ODF2L: variants seen among roughly 807,000 people sequenced by gnomAD.
The protein encoded by ODF2L is protein BCAP.
ODF2L carries 76 observed loss-of-function variants against 86.3 expected under a neutral mutation model. The observed-to-expected ratio is 0.88, with a 90% CI of 0.73 to 1.07. The LOEUF is 1.07. Among genes scored for constraint, ODF2L ranks in the 50% least tolerant of loss-of-function variants. The pLI is 0.00. For missense variants in ODF2L, 748 were observed against 717.4 expected (o/e 1.04, Z -0.49); for synonymous variants, 241 against 231.3 (o/e 1.04, Z -0.38).
chr1:86,348,680 A>AT (rs1657924319), downstream of ODF2L: 1 of 1,244,350 alleles, frequency 8.0e-7, no homozygotes, highest in Non-Finnish European at 1.0e-6. Flanking sequence ...TAGTATATTT[A>AT]TTTTTTTACC....
At chr1:86,373,737 T>C (rs1205427380) in intron 8 of ODF2L, among the ~76,000 whole-genome samples, 1 of 151,760 alleles carries the variant, frequency 6.6e-6, no homozygotes, top group African/African-American at 2.4e-5. Flanking sequence ...TTTGGTGATG[T>C]ACCTTACTTG....
In ODF2L at chr1:86,360,450, G is replaced by C. The variant is rs539556239; in HGVS notation, c.1230C>G (p.Thr410=). ...CCTGAGTTTTATACATTTCAATAAG[G>C]GTTTTCTGTTTTTTTTCTACTTCTT... The change falls in exon 12 of 18, where the codon ACC becomes ACG. Residue 410 remains threonine (T), a synonymous_variant. Coordinates refer to ENST00000317336, the Ensembl canonical transcript of ODF2L. 17 of 1,554,264 alleles carry C rather than the reference G, an allele frequency of 1.1e-5. No individual in the cohort carries two copies. The South Asian group carries it at 1.5e-4, about 13-fold the overall frequency.
At chr1:86,352,208 C>T (rs1339166423) in exon 18 of ODF2L, 1 of 1,507,424 alleles carries the variant, frequency 6.6e-7, no homozygotes. Flanking sequence ...GTCTCTGGAT[C>T]CTGGAAAAAA....
At position 86,378,464 on chromosome 1, in the gene ODF2L, C is replaced by T. The variant is rs189710953; in HGVS notation, c.625-2046G>A. Reference sequence around the variant, plus strand: ...ATTTTTGGGTATCTTTATAGCAATACCCCACTCTCTGCAGTACCAATTAAC... The same window carrying T: ...ATTTTTGGGTATCTTTATAGCAATATCCCACTCTCTGCAGTACCAATTAAC... On this transcript the variant is annotated intron_variant, in intron 7 of 17. Coordinates refer to ENST00000317336, the Ensembl canonical transcript of ODF2L. 9.4e-4 allele frequency among the ~76,000 whole-genome samples: 143 copies of T among 152,282 alleles called. 1 individual carries two copies. The highest frequency in any genetic ancestry group is 3.2e-3 in the African/African-American group (135 of 41,560).
chr1:86,351,648 A>C (rs1237676547), exon 18 of ODF2L: 1 of 152,926 alleles, frequency 6.5e-6, no homozygotes, highest in Non-Finnish European at 1.5e-5. Context: ...TGGTAGCTTG[A>C]TGGGGATAGC....
chr1:86,376,200 T>C (rs763737308), intron 8 of ODF2L, 33 bp downstream of exon 8: 15 of 1,231,304 alleles, frequency 1.2e-5, no homozygotes, highest in Admixed American at 1.9e-5. Flanking sequence ...ACATAATAGA[T>C]CTTTTAATTT....
exon 10 of ODF2L, chr1:86,371,043 A>G: frequency 6.4e-7 from 1 of 1,574,502 alleles, no homozygotes; most frequent in Non-Finnish European, 8.6e-7. Context: ...CTCAAGATTC[A>G]GAGTTTCATT....
At chr1:86,391,457 G>C (rs1661320973) in intron 1 of ODF2L, among the ~76,000 whole-genome samples, 1 of 152,278 alleles carries the variant, frequency 6.6e-6, no homozygotes, top group East Asian at 1.9e-4. Context: ...AAAACAGCAT[G>C]GTACTGGTAT....
At position 86,385,533 on chromosome 1, in the gene ODF2L, C is replaced by T. The variant is rs372827234; in HGVS notation, c.171G>A (p.Ala57=). 1.8e-5 allele frequency: 29 copies of T among 1,608,144 alleles called. 1 individual carries two copies. The highest frequency in any genetic ancestry group is 1.4e-4 in the South Asian group (13 of 90,926). The change falls in exon 3 of 18, where the codon GCG becomes GCA. Residue 57 remains alanine (A), a synonymous_variant. Transcript: ENST00000317336. ...ATTCTACAGAATGAGTTACCAACTCCGCTTCCTTAAGTGTTGCTTCCAATT... is the reference window on the plus strand; with the variant it reads ...ATTCTACAGAATGAGTTACCAACTCTGCTTCCTTAAGTGTTGCTTCCAATT...
chr1:86,372,331 A>G, intron 9 of ODF2L, 100 bp downstream of exon 9: 1 of 514,914 alleles, frequency 1.9e-6, no homozygotes. Flanking sequence ...CACCTTTACC[A>G]TATGTAATCT....
At chr1:86,369,118 G>A (rs961853328) in intron 10 of ODF2L, among the ~76,000 whole-genome samples, 2 of 152,024 alleles carry the variant, frequency 1.3e-5, no homozygotes. Context: ...TGAATAAATT[G>A]TCAGAAGTTG....
At chr1:86,355,189 A>G in intron 14 of ODF2L, 1 of 595,904 alleles carries the variant, frequency 1.7e-6, no homozygotes, top group Non-Finnish European at 3.0e-6. Context: ...AGCAGTATTA[A>G]TCTCCTATTT....
chr1:86,351,730 G>A (rs769895924), exon 18 of ODF2L: 7 of 191,650 alleles, frequency 3.7e-5, no homozygotes, highest in Non-Finnish European at 6.7e-5. Flanking sequence ...CATAAGCATG[G>A]AATGTTTTCC....
exon 18 of ODF2L, chr1:86,351,418 T>C (rs1658129665): frequency 6.6e-6 from 1 of 152,222 alleles, no homozygotes; most frequent in Non-Finnish European, 1.5e-5. Flanking sequence ...TGTGGAGTTA[T>C]TTCTGAGGCC....
intron 11 of ODF2L, among the ~76,000 whole-genome samples, chr1:86,368,454 TCAG>T (rs980276249): frequency 2.4e-4 from 36 of 152,214 alleles, no homozygotes; most frequent in African/African-American, 8.2e-4. Flanking sequence ...CAGATAACTA[TCAG>T]AAGAATAAAA....
chr1:86,352,889 T>C (rs272496), exon 17 of ODF2L: 1,015,794 of 1,535,094 alleles, frequency 0.66, 338,909 homozygotes, highest in East Asian at 0.84. Context: ...GTTGATTTTG[T>C]TCTTCATTTT....
chr1:86,357,236 A>G (rs1318200943), intron 13 of ODF2L, among the ~76,000 whole-genome samples: 1 of 152,122 alleles, frequency 6.6e-6, no homozygotes, highest in Non-Finnish European at 1.5e-5. Context: ...AGCAACCTTA[A>G]GAAATGTTTG....
chr1:86,352,720 TTTG>T (rs1286262085), intron 17 of ODF2L, 136 bp downstream of exon 16: 9 of 514,028 alleles, frequency 1.8e-5, no homozygotes, highest in South Asian at 1.1e-4. Flanking sequence ...AACATTTTTA[TTTG>T]TTATGTCTTA....
chr1:86,348,942 C>T, downstream of ODF2L: 3 of 1,460,548 alleles, frequency 2.1e-6, no homozygotes, highest in Non-Finnish European at 2.7e-6. Flanking sequence ...GGACCAGAGT[C>T]ATAATATTAA....
Sources: allele counts gnomAD v4.1 joint callset (sites outside exome capture counted in the v4.1 genomes callset), GRCh38; gene constraint gnomAD v4.1.1; transcripts MANE v1.5; gene names NCBI Gene and HGNC (gene_info 2026-07-23, HGNC 2026-07-21).